Variants in RTN4IP1 observed in about 807,000 individuals in gnomAD.
RTN4IP1 encodes reticulon 4 interacting protein 1, also known as NAD(P)H oxidoreductase RTN4IP1, mitochondrial.
RTN4IP1 carries 32 observed loss-of-function variants against 46.6 expected under a neutral mutation model. The observed-to-expected ratio is 0.69, with a 90% CI of 0.52 to 0.92. RTN4IP1 has a LOEUF of 0.92. Ranked by LOEUF, RTN4IP1 falls within the 40% of genes least tolerant of loss-of-function variation. The probability of loss-of-function intolerance (pLI) is 0.00; values close to 1 mark genes in which losing one functional copy is unlikely to be tolerated. For synonymous variants in RTN4IP1, 167 were observed against 161.8 expected, an observed-to-expected ratio of 1.03 and a Z score of -0.24; for missense variants, 424 against 485.8, an observed-to-expected ratio of 0.87 and a Z score of 1.20.
intron 6 of RTN4IP1, among the ~76,000 whole-genome samples, chr6:106,588,270 C>T (rs748218303): frequency 6.6e-6 from 1 of 152,156 alleles, no homozygotes; most frequent in Non-Finnish European, 1.5e-5. Flanking sequence ...GAAAGTCTGA[C>T]TTAATTAAGC....
chr6:106,622,475 T>A (rs977151743), intron 2 of RTN4IP1, among the ~76,000 whole-genome samples: 1 of 152,112 alleles, frequency 6.6e-6, no homozygotes, highest in Non-Finnish European at 1.5e-5. Flanking sequence ...CTAGGGAATG[T>A]GGGGGAGTTT....
At chr6:106,584,852 G>A (rs1224069586) in intron 7 of RTN4IP1, among the ~76,000 whole-genome samples, 3 of 152,254 alleles carry the variant, frequency 2.0e-5, no homozygotes, top group African/African-American at 7.2e-5. Flanking sequence ...TACTGGGTGA[G>A]TGACCCTATA....
chr6:106,627,464 T>C (rs1776676268), intron 1 of RTN4IP1, among the ~76,000 whole-genome samples: 1 of 152,316 alleles, frequency 6.6e-6, no homozygotes, highest in Non-Finnish European at 1.5e-5. Context: ...AAATAGTGAC[T>C]GAATGACAAC....
At chr6:106,594,433 G>A (rs1325983445) in intron 5 of RTN4IP1, among the ~76,000 whole-genome samples, 3 of 152,128 alleles carry the variant, frequency 2.0e-5, no homozygotes, top group South Asian at 2.1e-4. Context: ...CGCTTGAGCC[G>A]GCGGGGGTGG....
At chr6:106,604,950 T>A (rs560413778) in intron 4 of RTN4IP1, among the ~76,000 whole-genome samples, 2 of 152,236 alleles carry the variant, frequency 1.3e-5, no homozygotes, top group African/African-American at 4.8e-5. Flanking sequence ...ATGCATGCAG[T>A]GCAGAGACTA....
At chr6:106,577,213 T>C (rs1037271563) in intron 8 of RTN4IP1, among the ~76,000 whole-genome samples, 2 of 152,014 alleles carry the variant, frequency 1.3e-5, no homozygotes, top group African/African-American at 2.4e-5. Context: ...GGCAGGCAGA[T>C]TGCCTGAGCT....
upstream of RTN4IP1, among the ~76,000 whole-genome samples, chr6:106,630,168 A>G (rs1023442765): frequency 2.0e-5 from 3 of 152,174 alleles, no homozygotes; most frequent in Non-Finnish European, 2.9e-5. Flanking sequence ...CCACTAAGAT[A>G]CCAGTGATTT....
intron 5 of RTN4IP1, among the ~76,000 whole-genome samples, chr6:106,601,628 T>C (rs967209543): frequency 4.6e-5 from 7 of 152,206 alleles, no homozygotes; most frequent in African/African-American, 1.7e-4. Flanking sequence ...TTTTTGTTTT[T>C]TGAGACAGAG....
chr6:106,592,774 A>G (rs2114642659), intron 5 of RTN4IP1, among the ~76,000 whole-genome samples: 1 of 152,194 alleles, frequency 6.6e-6, no homozygotes, highest in Non-Finnish European at 1.5e-5. Context: ...AAATATAAAA[A>G]ATTAGCTGGA....
intron 8 of RTN4IP1, among the ~76,000 whole-genome samples, chr6:106,578,019 T>C (rs139754125): frequency 1.5e-3 from 236 of 152,348 alleles, no homozygotes; most frequent in African/African-American, 5.3e-3. Context: ...AACTAATGCA[T>C]GCATATATAA....
chr6:106,601,332 G>T (rs966822065), intron 5 of RTN4IP1, among the ~76,000 whole-genome samples: 2 of 151,978 alleles, frequency 1.3e-5, no homozygotes, highest in Admixed American at 1.3e-4. Flanking sequence ...ACCAGAAAAT[G>T]ATATGGAAAT....
At chr6:106,626,467 G>A (rs2114686947) in intron 1 of RTN4IP1, among the ~76,000 whole-genome samples, 1 of 152,270 alleles carries the variant, frequency 6.6e-6, no homozygotes, top group Non-Finnish European at 1.5e-5. Context: ...AAACTTCTAT[G>A]TGGTTTGAAC....
intron 6 of RTN4IP1, among the ~76,000 whole-genome samples, chr6:106,590,289 T>G (rs1775619243): frequency 6.6e-6 from 1 of 152,050 alleles, no homozygotes; most frequent in Non-Finnish European, 1.5e-5. Context: ...CACTCCAGCC[T>G]GGGCAACAGA....
chr6:106,589,635 T>A (rs531226797), intron 6 of RTN4IP1, among the ~76,000 whole-genome samples: 2 of 152,210 alleles, frequency 1.3e-5, no homozygotes, highest in African/African-American at 4.8e-5. Flanking sequence ...CCCTTCACTT[T>A]CTCAACTACA....
intron 5 of RTN4IP1, among the ~76,000 whole-genome samples, chr6:106,593,435 T>C (rs1052068272): frequency 1.3e-5 from 2 of 152,212 alleles, no homozygotes; most frequent in Non-Finnish European, 2.9e-5. Flanking sequence ...TTCAGCTAAT[T>C]TGAGAATAGC....
chr6:106,589,251 AAGGAGGAGGAGAAGGAGAAGAAGAAGG>A (rs1775583902), intron 6 of RTN4IP1, among the ~76,000 whole-genome samples: 2 of 2,332 alleles, frequency 8.6e-4, no homozygotes, highest in East Asian at 5.8e-3. Context: ...GGAGGAGGAG[AAGGAGGAGGAGAAGGAGAAGAAGAAGG>A]AGAAGAAGAA....
At chr6:106,625,999 T>A (rs750168564) in intron 1 of RTN4IP1, among the ~76,000 whole-genome samples, 2 of 152,094 alleles carry the variant, frequency 1.3e-5, no homozygotes, top group Non-Finnish European at 2.9e-5. Context: ...CAAGTCTGTA[T>A]ACTAATGGAG....
intron 8 of RTN4IP1, among the ~76,000 whole-genome samples, chr6:106,577,630 T>C (rs1007119801): frequency 1.3e-5 from 2 of 152,006 alleles, no homozygotes; most frequent in African/African-American, 4.8e-5. Flanking sequence ...TCCCAAAATG[T>C]GTGAATATGG....
At chr6:106,621,782 C>T (rs1395939460) in intron 2 of RTN4IP1, among the ~76,000 whole-genome samples, 1 of 152,206 alleles carries the variant, frequency 6.6e-6, no homozygotes, top group African/African-American at 2.4e-5. Context: ...CCTGGCTCCA[C>T]CACTTATTAG....
Sources: allele counts gnomAD v4.1 joint callset (sites outside exome capture counted in the v4.1 genomes callset), GRCh38; gene constraint gnomAD v4.1.1; transcripts MANE v1.5; gene names NCBI Gene and HGNC (gene_info 2026-07-23, HGNC 2026-07-21).